TVP23A: variants seen among roughly 807,000 people sequenced by gnomAD.
TVP23A encodes the protein trans-golgi network vesicle protein 23 homolog A, also known as Golgi apparatus membrane protein TVP23 homolog A.
A neutral mutation model predicts 31.7 loss-of-function variants in TVP23A; 21 were observed. That is an observed-to-expected ratio of 0.66 (90% confidence interval 0.47 to 0.95). TVP23A has a LOEUF of 0.95. Ranked by LOEUF, TVP23A falls within the 40% of genes least tolerant of loss-of-function variation. TVP23A has a pLI of 0.00. For missense variants in TVP23A, 279 were observed against 255.6 expected (o/e 1.09, Z -0.62); for synonymous variants, 104 against 96.0 (o/e 1.08, Z -0.49).
downstream of TVP23A, chr16:10,762,075 G>A (rs1036128766): frequency 2.0e-6 from 1 of 497,896 alleles, no homozygotes; most frequent in South Asian, 2.7e-5. Flanking sequence ...GCAGGCCTCA[G>A]GCAGAGGGGT....
chr16:10,785,557 G>C (rs527345877), intron 2 of TVP23A, among the ~76,000 whole-genome samples: 1 of 152,374 alleles, frequency 6.6e-6, no homozygotes, highest in East Asian at 1.9e-4. Context: ...CTGAATATCT[G>C]AGACAGGTCT....
At chr16:10,802,801 T>C (rs996418585) in intron 2 of TVP23A, among the ~76,000 whole-genome samples, 1 of 152,224 alleles carries the variant, frequency 6.6e-6, no homozygotes, top group Non-Finnish European at 1.5e-5. Context: ...CACCACTCTG[T>C]AAATAGTAAG....
chr16:10,800,483 AC>A (rs1419096078), intron 2 of TVP23A: 8 of 152,144 alleles, frequency 5.3e-5, no homozygotes, highest in African/African-American at 1.9e-4. Context: ...AAAAGCTATA[AC>A]CAAACCAATG....
chr16:10,775,212 C>A, intron 2 of TVP23A, 116 bp from the exon 3 acceptor site: 1 of 1,473,126 alleles, frequency 6.8e-7, no homozygotes, highest in Admixed American at 2.4e-5. Flanking sequence ...GGAATGTTCT[C>A]CCCGGTGCAT....
At chr16:10,817,729 C>A (rs958651404) in intron 2 of TVP23A, among the ~76,000 whole-genome samples, 2 of 152,194 alleles carry the variant, frequency 1.3e-5, no homozygotes, top group African/African-American at 4.8e-5. Flanking sequence ...TCTGGAGTCT[C>A]CCATGGCTGG....
chr16:10,803,010 G>A (rs1357293423), intron 2 of TVP23A, among the ~76,000 whole-genome samples: 4 of 152,166 alleles, frequency 2.6e-5, no homozygotes, highest in African/African-American at 9.7e-5. Context: ...GAGGCTGGAC[G>A]CAGTGGCTCA....
chr16:10,804,107 C>A (rs1415686375), intron 2 of TVP23A, among the ~76,000 whole-genome samples: 1 of 152,128 alleles, frequency 6.6e-6, no homozygotes, highest in Non-Finnish European at 1.5e-5. Flanking sequence ...GGGTGAGTGG[C>A]CTTGGATGGC....
intron 2 of TVP23A, among the ~76,000 whole-genome samples, chr16:10,804,985 G>T (rs1434068328): frequency 6.6e-6 from 1 of 151,924 alleles, no homozygotes; most frequent in Non-Finnish European, 1.5e-5. Context: ...ATCTGCCTCT[G>T]TCTCGGTGTG....
At chr16:10,788,597 G>A (rs546270414) in intron 2 of TVP23A, among the ~76,000 whole-genome samples, 2 of 152,302 alleles carry the variant, frequency 1.3e-5, no homozygotes, top group South Asian at 2.1e-4. Flanking sequence ...GTGGGAGCCA[G>A]GGGGCCAGAG....
intron 2 of TVP23A, among the ~76,000 whole-genome samples, chr16:10,803,959 TTTGAATTCATGATATA>T (rs1303965627): frequency 6.6e-6 from 1 of 152,230 alleles, no homozygotes; most frequent in African/African-American, 2.4e-5. Flanking sequence ...AGGGGTGAAT[TTTGAATTCATGATATA>T]TGAAATCTAT....
chr16:10,797,475 C>T (rs994218592), intron 2 of TVP23A, among the ~76,000 whole-genome samples: 2 of 151,542 alleles, frequency 1.3e-5, no homozygotes, highest in African/African-American at 4.9e-5. Context: ...TCGCTTGAAC[C>T]TGGGAGGCAG....
At chr16:10,772,169 G>A (rs934290602) in intron 5 of TVP23A, among the ~76,000 whole-genome samples, 2 of 152,072 alleles carry the variant, frequency 1.3e-5, no homozygotes, top group African/African-American at 2.4e-5. Flanking sequence ...AAATACCCAC[G>A]GACACCTCAG....
rs987321812 is a variant in TVP23A at position 10,818,300 on chromosome 16, C to T, written c.10-118G>A. On this transcript the variant is annotated intron_variant, in intron 1 of 7. Coordinates refer to ENST00000299866, the MANE Select transcript of TVP23A (RefSeq NM_001079512.4). This position sits in a 1 kb window ranked among gnomAD's most constrained non-coding sequence, Gnocchi z 4.7. Reference sequence around the variant, plus strand: ...ACCCCACCGGGTTCCCAAGTGGACCCTCCGAGCTGGCGGGGCCCCTCCGCT... The same window carrying T: ...ACCCCACCGGGTTCCCAAGTGGACCTTCCGAGCTGGCGGGGCCCCTCCGCT... 3.0e-5 allele frequency: 40 copies of T among 1,312,388 alleles called. No individual in the cohort carries two copies. The highest frequency in any genetic ancestry group is 4.2e-5 in the Non-Finnish European group (40 of 945,928). 81.3% of individuals were successfully genotyped at this position (1,312,388 alleles called of 1,614,324 possible).
chr16:10,783,155 A>G (rs2032526216), intron 2 of TVP23A, among the ~76,000 whole-genome samples: 1 of 152,150 alleles, frequency 6.6e-6, no homozygotes, highest in South Asian at 2.1e-4. Flanking sequence ...TCTAATGACT[A>G]CATGTGTGTA....
chr16:10,814,051 C>G (rs1347508617), intron 2 of TVP23A, among the ~76,000 whole-genome samples: 3 of 142,334 alleles, frequency 2.1e-5, no homozygotes, highest in Non-Finnish European at 3.0e-5. Flanking sequence ...ACACTGCAAT[C>G]TGGGTAAATT....
chr16:10,783,911 G>GT (rs1172840091), intron 2 of TVP23A, among the ~76,000 whole-genome samples: 1 of 152,216 alleles, frequency 6.6e-6, no homozygotes, highest in Non-Finnish European at 1.5e-5. Flanking sequence ...AAAAAGATCA[G>GT]TGGTTGCCAG....
At chr16:10,761,909 A>G (rs762108296), downstream of TVP23A, 26 of 1,450,868 alleles carry the variant, frequency 1.8e-5, no homozygotes, top group Admixed American at 3.0e-4. Context: ...TCAGCCCCAC[A>G]GGCACGGGTC....
At chr16:10,794,409 T>A (rs1415499807) in intron 2 of TVP23A, among the ~76,000 whole-genome samples, 1 of 152,174 alleles carries the variant, frequency 6.6e-6, no homozygotes, top group Non-Finnish European at 1.5e-5. Flanking sequence ...GACCTCATGT[T>A]AACTAATTAC....
At chr16:10,776,768 T>C (rs531051027) in intron 2 of TVP23A, among the ~76,000 whole-genome samples, 1 of 152,320 alleles carries the variant, frequency 6.6e-6, no homozygotes, top group East Asian at 1.9e-4. Context: ...TTTATGGCTA[T>C]TTCTTGATGA....
Sources: allele counts gnomAD v4.1 joint callset (sites outside exome capture counted in the v4.1 genomes callset), GRCh38; gene constraint gnomAD v4.1.1; non-coding constraint Gnocchi (gnomAD v3.1); transcripts MANE v1.5; gene names NCBI Gene and HGNC (gene_info 2026-07-23, HGNC 2026-07-21).